C2orf76: variants seen among roughly 807,000 people sequenced by gnomAD.
C2orf76 encodes the protein UPF0538 protein C2orf76.
In C2orf76, 23 loss-of-function variants were observed where a neutral mutation model predicts 16.9. The ratio of observed to expected loss-of-function variants is 1.36; its 90% CI spans 0.98 to 1.93. The LOEUF (loss-of-function observed/expected upper bound fraction) is 1.93, where lower values mean the gene tolerates loss of function less well. Ranked by LOEUF, C2orf76 falls within the 30% of genes most tolerant of loss-of-function variation. The pLI is 0.00. For synonymous variants in C2orf76, 48 were observed against 52.3 expected (o/e 0.92, Z 0.35); for missense variants, 152 against 152.6 (o/e 1.00, Z 0.02).
intron 2 of C2orf76, among the ~76,000 whole-genome samples, chr2:119,329,009 G>T (rs1558785623): frequency 1.3e-5 from 2 of 152,094 alleles, no homozygotes; most frequent in African/African-American, 4.8e-5. Context: ...ATGAAATCTG[G>T]ACTATTCATA....
intron 1 of C2orf76, among the ~76,000 whole-genome samples, chr2:119,342,029 T>C (rs186765314): frequency 1.1e-4 from 16 of 152,268 alleles, no homozygotes; most frequent in Non-Finnish European, 2.2e-4. Flanking sequence ...ATCTCACATA[T>C]ATATACAAGG....
At chr2:119,317,813 GT>G (rs1201495022) in intron 3 of C2orf76, among the ~76,000 whole-genome samples, 1 of 151,302 alleles carries the variant, frequency 6.6e-6, no homozygotes, top group Non-Finnish European at 1.5e-5. Flanking sequence ...ACTGTACCTT[GT>G]TTTTTTGGAG....
downstream of C2orf76, among the ~76,000 whole-genome samples, chr2:119,297,956 CAT>C (rs1372112556): frequency 2.6e-5 from 4 of 151,942 alleles, no homozygotes; most frequent in Non-Finnish European, 5.9e-5. Context: ...GATTTCTATA[CAT>C]GTTTTGGTTT....
At chr2:119,282,618 G>A in the C2orf76 span, among the ~76,000 whole-genome samples, 3 of 152,156 alleles carry the variant, frequency 2.0e-5, no homozygotes, top group Non-Finnish European at 4.4e-5. Context: ...TAAAGCGTCC[G>A]TCTCTGCCGG....
chr2:119,284,158 A>G, the C2orf76 span, among the ~76,000 whole-genome samples: 1 of 152,086 alleles, frequency 6.6e-6, no homozygotes, highest in African/African-American at 2.4e-5. Flanking sequence ...TGCCTCCATG[A>G]TTCGCCAGCA....
At chr2:119,299,720 A>G (rs1322534345), downstream of C2orf76, among the ~76,000 whole-genome samples, 4 of 152,222 alleles carry the variant, frequency 2.6e-5, no homozygotes, top group Admixed American at 2.6e-4. Flanking sequence ...AAAAATACAT[A>G]CCAAAAAAGG....
intron 1 of C2orf76, among the ~76,000 whole-genome samples, chr2:119,350,781 GCCCAGTGGTTCCCCTT>G (rs1680378017): frequency 1.3e-5 from 2 of 152,196 alleles, no homozygotes; most frequent in Non-Finnish European, 2.9e-5. Flanking sequence ...TCCTTAACTT[GCCCAGTGGTTCCCCTT>G]CCCAAGCTGG....
At chr2:119,349,242 T>C (rs1176132407) in intron 1 of C2orf76, among the ~76,000 whole-genome samples, 1 of 152,234 alleles carries the variant, frequency 6.6e-6, no homozygotes, top group African/African-American at 2.4e-5. Context: ...TATACTTGTA[T>C]TTTCACTTTT....
intron 4 of C2orf76, among the ~76,000 whole-genome samples, chr2:119,316,145 T>C (rs1318806054): frequency 6.6e-6 from 1 of 152,222 alleles, no homozygotes; most frequent in African/African-American, 2.4e-5. Context: ...CACAAAAATA[T>C]AGAACATTAC....
chr2:119,362,226 TATAAC>T (rs1680767612), intron 1 of C2orf76, among the ~76,000 whole-genome samples: 4 of 152,336 alleles, frequency 2.6e-5, no homozygotes, highest in South Asian at 4.1e-4. Context: ...AAATAATACA[TATAAC>T]ATATAAAATG....
At chr2:119,361,698 T>C (rs375699215) in intron 1 of C2orf76, among the ~76,000 whole-genome samples, 19 of 152,218 alleles carry the variant, frequency 1.2e-4, no homozygotes, top group African/African-American at 2.2e-4. Context: ...CCCACAGATA[T>C]TGACAGACAA....
At chr2:119,352,435 G>A (rs1680435532) in intron 1 of C2orf76, among the ~76,000 whole-genome samples, 1 of 152,158 alleles carries the variant, frequency 6.6e-6, no homozygotes, top group Non-Finnish European at 1.5e-5. Context: ...ATGTAAACAA[G>A]CTGCAACCTA....
chr2:119,283,107 T>A, the C2orf76 span, among the ~76,000 whole-genome samples: 6 of 152,186 alleles, frequency 3.9e-5, no homozygotes, highest in Non-Finnish European at 8.8e-5. Flanking sequence ...CTCTCCCTCT[T>A]CCTTGGTGGG....
At chr2:119,333,508 T>C (rs1679741606) in intron 2 of C2orf76, among the ~76,000 whole-genome samples, 1 of 152,222 alleles carries the variant, frequency 6.6e-6, no homozygotes, top group Non-Finnish European at 1.5e-5. Flanking sequence ...AAACTGACAT[T>C]CAGTGTTTCC....
Position 119,318,534 on chromosome 2 carries a change from T to G in C2orf76, c.185-1031A>C, listed in dbSNP as rs550024869. 6.8e-5 allele frequency among the ~76,000 whole-genome samples: 10 copies of G among 147,414 alleles called. No individual in the cohort carries two copies. In the East Asian group the frequency reaches 2.0e-3, roughly 29 times the overall value. On this transcript the variant is annotated intron_variant, in intron 3 of 5. Transcript: ENST00000334816. ...TCAACTTTCAGTTATCTATTGCAAT[T>G]TTTTTTTTTTTTTGAGACGGAGTCT...
chr2:119,352,099 A>C (rs895578488), intron 1 of C2orf76, among the ~76,000 whole-genome samples: 2 of 152,220 alleles, frequency 1.3e-5, no homozygotes, highest in Non-Finnish European at 2.9e-5. Context: ...GGCAGTTAAC[A>C]TGGAGAAGAC....
intron 1 of C2orf76, among the ~76,000 whole-genome samples, chr2:119,347,307 GAAAT>G (rs1680234889): frequency 2.6e-5 from 4 of 152,234 alleles, no homozygotes; most frequent in African/African-American, 7.2e-5. Context: ...AATGGCATGA[GAAAT>G]AAAGAAAAGA....
At chr2:119,353,055 T>G (rs1297333092) in intron 1 of C2orf76, among the ~76,000 whole-genome samples, 1 of 152,144 alleles carries the variant, frequency 6.6e-6, no homozygotes, top group Non-Finnish European at 1.5e-5. Flanking sequence ...AGGAAATTGT[T>G]AAGAAGAAAA....
chr2:119,351,481 T>A (rs1356635748), intron 1 of C2orf76, among the ~76,000 whole-genome samples: 7 of 152,186 alleles, frequency 4.6e-5, no homozygotes, highest in Admixed American at 2.0e-4. Context: ...CTGGGCACGG[T>A]GGCTCACACC....
Sources: gnomAD v4.1 joint callset for allele counts (sites outside exome capture counted in the v4.1 genomes callset) on GRCh38, gnomAD v4.1.1 for gene constraint, MANE v1.5 for transcripts, NCBI Gene and HGNC (gene_info 2026-07-23, HGNC 2026-07-21) for gene names.